ARHGAP10: variants seen among roughly 807,000 people sequenced by gnomAD.
ARHGAP10 encodes the protein Rho GTPase activating protein 10.
In ARHGAP10, 87 loss-of-function variants were observed where a neutral mutation model predicts 108.6. The ratio of observed to expected loss-of-function variants is 0.80; its 90% confidence interval spans 0.67 to 0.96. The LOEUF (loss-of-function observed/expected upper bound fraction) is 0.96. Ranked by LOEUF, ARHGAP10 falls within the 40% of genes least tolerant of loss-of-function variation. ARHGAP10 has a pLI of 0.00. For missense variants in ARHGAP10, 939 were observed against 954.5 expected (o/e 0.98, Z 0.21); for synonymous variants, 347 against 341.1 (o/e 1.02, Z -0.19).
intron 1 of ARHGAP10, among the ~76,000 whole-genome samples, chr4:147,809,826 G>T (rs1731940356): frequency 6.6e-6 from 1 of 152,130 alleles, no homozygotes; most frequent in Non-Finnish European, 1.5e-5. Context: ...TCACAATAGG[G>T]TCACGCTCCT....
chr4:148,058,512 A>C (rs1729462657), intron 20 of ARHGAP10, among the ~76,000 whole-genome samples: 1 of 152,198 alleles, frequency 6.6e-6, no homozygotes, highest in Non-Finnish European at 1.5e-5. Context: ...TATATTATGC[A>C]AGAAATGTTT....
At chr4:147,897,887 CAG>C (rs1491017272) in intron 10 of ARHGAP10, among the ~76,000 whole-genome samples, 2 of 151,914 alleles carry the variant, frequency 1.3e-5, no homozygotes, top group African/African-American at 4.8e-5. Flanking sequence ...TTTTTTGAGA[CAG>C]AGTCTCGCTC....
intron 19 of ARHGAP10, among the ~76,000 whole-genome samples, chr4:148,036,066 CTGTGTGTGTGTGTGTGTGTG>C (rs61692055): frequency 7.7e-5 from 11 of 142,762 alleles, no homozygotes; most frequent in Admixed American, 2.1e-4. Context: ...GGAGCTGCCT[CTGTGTGTGTGTGTGTGTGTG>C]TGTGTGTGTG....
chr4:147,909,851 G>A, intron 12 of ARHGAP10, 74 bp downstream of exon 12: 1 of 1,452,902 alleles, frequency 6.9e-7, no homozygotes, highest in Non-Finnish European at 9.6e-7. Flanking sequence ...TGCATGTCAA[G>A]CTGTTGCTGG....
intron 1 of ARHGAP10, among the ~76,000 whole-genome samples, chr4:147,801,447 G>A (rs962275423): frequency 6.6e-6 from 1 of 152,114 alleles, no homozygotes; most frequent in African/African-American, 2.4e-5. Context: ...TATATCAAGT[G>A]GAAAACCTCT....
intron 20 of ARHGAP10, among the ~76,000 whole-genome samples, chr4:148,059,142 C>T (rs540364616): frequency 2.0e-5 from 3 of 152,294 alleles, no homozygotes; most frequent in Non-Finnish European, 2.9e-5. Flanking sequence ...GTTGGCCTTC[C>T]GTGCTGAAGA....
intron 10 of ARHGAP10, among the ~76,000 whole-genome samples, chr4:147,906,162 A>G (rs956762523): frequency 3.9e-5 from 6 of 152,192 alleles, no homozygotes; most frequent in Admixed American, 6.5e-5. Context: ...ATTCCATATG[A>G]ACCATTAATT....
At chr4:147,744,625 C>G (rs1332959470) in intron 1 of ARHGAP10, among the ~76,000 whole-genome samples, 2 of 151,080 alleles carry the variant, frequency 1.3e-5, no homozygotes, top group East Asian at 3.9e-4. Flanking sequence ...CAGCTGCAGG[C>G]TATAGGGGGT....
intron 1 of ARHGAP10, among the ~76,000 whole-genome samples, chr4:147,739,316 G>A (rs1205234457): frequency 6.6e-6 from 1 of 152,140 alleles, no homozygotes; most frequent in Non-Finnish European, 1.5e-5. Flanking sequence ...TGTTGCTAAG[G>A]TCATTGCAAA....
At chr4:147,831,302 A>G (rs954305649) in intron 3 of ARHGAP10, among the ~76,000 whole-genome samples, 7 of 152,228 alleles carry the variant, frequency 4.6e-5, no homozygotes. Flanking sequence ...AAAGGATTTG[A>G]GACTATAGCT....
At chr4:147,761,651 C>T (rs1244606229) in intron 1 of ARHGAP10, among the ~76,000 whole-genome samples, 1 of 152,298 alleles carries the variant, frequency 6.6e-6, no homozygotes, top group South Asian at 2.1e-4. Context: ...AATTTACTCT[C>T]CATAAAATAT....
At chr4:148,048,114 T>C (rs1192862849) in intron 20 of ARHGAP10, among the ~76,000 whole-genome samples, 1 of 152,182 alleles carries the variant, frequency 6.6e-6, no homozygotes, top group Non-Finnish European at 1.5e-5. Context: ...TGAACCACCA[T>C]GCCCAGCCCA....
chr4:148,028,291 T>C (rs1359576795), intron 19 of ARHGAP10, among the ~76,000 whole-genome samples: 2 of 152,112 alleles, frequency 1.3e-5, no homozygotes, highest in Non-Finnish European at 2.9e-5. Flanking sequence ...TTGACAGTTG[T>C]GAATGATGGG....
chr4:147,905,906 C>T (rs953371453), intron 10 of ARHGAP10, among the ~76,000 whole-genome samples: 2 of 152,184 alleles, frequency 1.3e-5, no homozygotes, highest in African/African-American at 2.4e-5. Context: ...TCTTTTCTTT[C>T]ATTGAGCAGT....
At chr4:147,812,931 A>G (rs1269390890) in intron 1 of ARHGAP10, among the ~76,000 whole-genome samples, 2 of 152,344 alleles carry the variant, frequency 1.3e-5, no homozygotes, top group African/African-American at 4.8e-5. Context: ...AGCGACTGGC[A>G]CAAAGGGAGT....
intron 20 of ARHGAP10, among the ~76,000 whole-genome samples, chr4:148,053,103 G>T (rs1022255885): frequency 2.6e-5 from 4 of 152,154 alleles, no homozygotes; most frequent in African/African-American, 9.7e-5. Context: ...ACCCAGTGCG[G>T]TAGATATATC....
chr4:147,941,407 G>C (rs2126963722), intron 14 of ARHGAP10, among the ~76,000 whole-genome samples: 1 of 152,290 alleles, frequency 6.6e-6, no homozygotes, highest in African/African-American at 2.4e-5. Flanking sequence ...CATGGGAAAT[G>C]TCCCAAGCCA....
intron 11 of ARHGAP10, among the ~76,000 whole-genome samples, chr4:147,907,737 A>G (rs534164190): frequency 6.6e-5 from 10 of 152,324 alleles, no homozygotes; most frequent in African/African-American, 2.4e-4. Flanking sequence ...TTGATGCTAT[A>G]TTGGGGAATG....
chr4:147,800,517 C>T (rs958401122), intron 1 of ARHGAP10, among the ~76,000 whole-genome samples: 22 of 152,014 alleles, frequency 1.4e-4, no homozygotes, highest in African/African-American at 4.8e-4. Flanking sequence ...GAGGGGGACT[C>T]GTGTTTGATC....
Sources: gnomAD v4.1 joint callset for allele counts (sites outside exome capture counted in the v4.1 genomes callset) on GRCh38, gnomAD v4.1.1 for gene constraint, MANE v1.5 for transcripts, NCBI Gene and HGNC (gene_info 2026-07-23, HGNC 2026-07-21) for gene names.